Variants in RAP1GAP2 observed in about 807,000 individuals in gnomAD.
RAP1GAP2 encodes the protein RAP1 GTPase activating protein 2, also known as rap1 GTPase-activating protein 2.
In RAP1GAP2, 27 loss-of-function variants were observed where a neutral mutation model predicts 95.0. The ratio of observed to expected loss-of-function variants is 0.28; its 90% CI spans 0.21 to 0.39. RAP1GAP2 has a LOEUF of 0.39. RAP1GAP2 is among the 10% of genes least tolerant of loss of function. The pLI, the probability that RAP1GAP2 is intolerant of heterozygous loss-of-function variation, is 1.00. For missense variants in RAP1GAP2, 771 were observed against 970.0 expected, an observed-to-expected ratio of 0.79 and a Z score of 2.72; for synonymous variants, 373 against 380.9, an observed-to-expected ratio of 0.98 and a Z score of 0.24.
At chr17:3,015,051 G>A (rs1444158179) in intron 17 of RAP1GAP2, among the ~76,000 whole-genome samples, 1 of 152,068 alleles carries the variant, frequency 6.6e-6, no homozygotes, top group African/African-American at 2.4e-5. Context: ...GCTCCTCCAG[G>A]GACACCTCAG....
chr17:2,929,122 A>C (rs2043058700), intron 3 of RAP1GAP2, among the ~76,000 whole-genome samples: 1 of 152,184 alleles, frequency 6.6e-6, no homozygotes. Context: ...AGTCCCAACT[A>C]CTTGGGAGGC....
chr17:2,847,258 C>G (rs2071628908), intron 2 of RAP1GAP2, among the ~76,000 whole-genome samples: 1 of 152,190 alleles, frequency 6.6e-6, no homozygotes, highest in South Asian at 2.1e-4. Flanking sequence ...CCACCCGCCT[C>G]AGCCTCCCAA....
At chr17:2,907,412 C>T (rs990832223) in intron 3 of RAP1GAP2, among the ~76,000 whole-genome samples, 4 of 152,196 alleles carry the variant, frequency 2.6e-5, no homozygotes, top group African/African-American at 9.7e-5. Context: ...GTAAACCAGA[C>T]ATTGTGGTCC....
intron 2 of RAP1GAP2, among the ~76,000 whole-genome samples, chr17:2,847,747 CG>C (rs2071652012): frequency 6.6e-6 from 1 of 151,962 alleles, no homozygotes; most frequent in African/African-American, 2.4e-5. Context: ...ATCAGTGAGG[CG>C]GGGGCCGGGG....
intron 3 of RAP1GAP2, among the ~76,000 whole-genome samples, chr17:2,937,627 T>C (rs937194038): frequency 6.6e-6 from 1 of 152,116 alleles, no homozygotes; most frequent in Non-Finnish European, 1.5e-5. Context: ...AAGGGCTCAG[T>C]AGGGGACAGC....
chr17:2,768,940 T>TGAGTAG lies in RAP1GAP2; in HGVS notation c.51-1389_51-1388insGAGTAG, dbSNP rs1186522371. Among the ~76,000 whole-genome samples the TGAGTAG allele has an allele frequency of 4.5e-3, 680 of 151,582 alleles. 3 individuals are homozygous for TGAGTAG. The highest frequency in any genetic ancestry group is 0.015 in the African/African-American group (629 of 41,314). On this transcript the variant is annotated intron_variant, in intron 1 of 25. Transcript: ENST00000637138. ...CTTCTCCTGCTGTGAAATCAAGAAG[T>TGAGTAG]CCATGGCTAGGCTCAGTGGTGCACT... is the stretch of plus-strand genomic sequence containing the variant.
intron 2 of RAP1GAP2, among the ~76,000 whole-genome samples, chr17:2,894,732 GC>G (rs1021777253): frequency 6.6e-6 from 1 of 152,040 alleles, no homozygotes; most frequent in Non-Finnish European, 1.5e-5. Flanking sequence ...TTAGCTCTCG[GC>G]CCCCCCTTTA....
intron 3 of RAP1GAP2, among the ~76,000 whole-genome samples, chr17:2,940,626 G>C (rs951398513): frequency 1.3e-5 from 2 of 152,196 alleles, no homozygotes; most frequent in Non-Finnish European, 2.9e-5. Context: ...CCAGCGAGGA[G>C]AGTGTGAGCC....
chr17:2,986,327 A>G (rs1016106137), intron 11 of RAP1GAP2, among the ~76,000 whole-genome samples: 3 of 152,182 alleles, frequency 2.0e-5, no homozygotes, highest in Admixed American at 1.3e-4. Flanking sequence ...ATTTTCACAT[A>G]TTACATTTTT....
rs1471692033 is a variant in RAP1GAP2 at position 2,922,912 on chromosome 17, G to A, written c.165+17544G>A. On this transcript the variant is annotated intron_variant, in intron 3 of 24. Transcript: ENST00000254695. Reference sequence around the variant, plus strand: ...CAATGGTGCGACCTTGCACTACCTTGGCTTGTGGCACGACCTTGGCTCATG... The same window carrying A: ...CAATGGTGCGACCTTGCACTACCTTAGCTTGTGGCACGACCTTGGCTCATG... Among the ~76,000 whole-genome samples the A allele has an allele frequency of 2.0e-5, 3 of 146,458 alleles. No homozygotes were observed. The East Asian group carries it at 6.1e-4, about 30-fold the overall frequency.
intron 5 of RAP1GAP2, 171 bp downstream of exon 5, chr17:2,962,885 C>T: frequency 3.1e-6 from 2 of 642,878 alleles, no homozygotes; most frequent in Non-Finnish European, 2.6e-6. Flanking sequence ...GCACGGTGGG[C>T]AGCAGAGGGG....
chr17:2,831,944 G>A (rs377361482), intron 2 of RAP1GAP2, among the ~76,000 whole-genome samples: 4 of 151,810 alleles, frequency 2.6e-5, no homozygotes, highest in Admixed American at 6.6e-5. Flanking sequence ...GGTGGCTCAC[G>A]CTTTTAATCC....
intron 2 of RAP1GAP2, among the ~76,000 whole-genome samples, chr17:2,853,537 G>C (rs2071977336): frequency 6.6e-6 from 1 of 151,358 alleles, no homozygotes; most frequent in Non-Finnish European, 1.5e-5. Context: ...GCCGGGGCCG[G>C]GGAGGGCGCC....
At chr17:3,009,159 T>A (rs1478522397) in intron 17 of RAP1GAP2, among the ~76,000 whole-genome samples, 1 of 152,184 alleles carries the variant, frequency 6.6e-6, no homozygotes, top group Non-Finnish European at 1.5e-5. Context: ...GCAGCTTTCT[T>A]GTCAACAACA....
chr17:2,986,743 C>T lies in RAP1GAP2; in HGVS notation c.813+1677C>T, dbSNP rs538007306. On this transcript the variant is annotated intron_variant, in intron 11 of 24. Coordinates refer to ENST00000254695, the MANE Select transcript of RAP1GAP2 (RefSeq NM_015085.5). ...TGACTAAGACCCCTCCCTGAGTGCACAGTCCAGCTCAAGGCCAGGATCAAA... is the reference window on the plus strand; with the variant it reads ...TGACTAAGACCCCTCCCTGAGTGCATAGTCCAGCTCAAGGCCAGGATCAAA... 2.0e-5 allele frequency among the ~76,000 whole-genome samples: 3 copies of T among 152,238 alleles called. No individual in the cohort carries two copies. The South Asian group carries it at 6.2e-4, about 32-fold the overall frequency.
chr17:2,775,624 GACAGAAGCGA>G (rs2068482278), upstream of RAP1GAP2, among the ~76,000 whole-genome samples: 1 of 152,150 alleles, frequency 6.6e-6, no homozygotes, highest in African/African-American at 2.4e-5. Flanking sequence ...ATGACCCACA[GACAGAAGCGA>G]AAACTTCTGT....
rs763041595 is a variant in RAP1GAP2, at chr17:3,026,128, G to C, written c.1865+7G>C. 1 of 1,600,490 alleles carries C rather than the reference G, an allele frequency of 6.2e-7. No individual in the cohort carries two copies. The highest frequency in any genetic ancestry group is 8.6e-7 in the Non-Finnish European group (1 of 1,167,838). ...TCTGCCCCAACAAGGAGAAGTAAGA[G>C]AGTGAGGGTGGGAAAGGCCAGCTTC... On this transcript the variant is annotated splice_region_variant and intron_variant, in intron 20 of 24. Coordinates refer to ENST00000254695, the MANE Select transcript of RAP1GAP2 (RefSeq NM_015085.5).
intron 2 of RAP1GAP2, among the ~76,000 whole-genome samples, chr17:2,899,259 C>T (rs2041943666): frequency 6.6e-6 from 1 of 152,174 alleles, no homozygotes; most frequent in South Asian, 2.1e-4. Context: ...GGCTGGAGTG[C>T]AGTGGAGCGA....
chr17:2,993,993 C>G (rs2045869088), intron 12 of RAP1GAP2, among the ~76,000 whole-genome samples: 1 of 152,220 alleles, frequency 6.6e-6, no homozygotes, highest in Non-Finnish European at 1.5e-5. Flanking sequence ...CTGCAGTCAG[C>G]CATGATTACA....
Sources: allele counts gnomAD v4.1 joint callset (sites outside exome capture counted in the v4.1 genomes callset), GRCh38; gene constraint gnomAD v4.1.1; transcripts MANE v1.5; gene names NCBI Gene and HGNC (gene_info 2026-07-23, HGNC 2026-07-21).